The following SAMD5 variants were observed in gnomAD, a reference collection of about 807,000 sequenced individuals.
SAMD5 encodes sterile alpha motif domain containing 5, also known as sterile alpha motif domain-containing protein 5.
In SAMD5, 13 loss-of-function variants were observed where a neutral mutation model predicts 11.3. The ratio of observed to expected loss-of-function variants is 1.15; its 90% CI spans 0.75 to 1.83. The LOEUF is 1.83. Among genes scored for constraint, SAMD5 ranks in the 40% most tolerant of loss-of-function variants. The pLI is 0.00. For synonymous variants in SAMD5, 129 were observed against 111.3 expected (o/e 1.16, Z -1.00); for missense variants, 255 against 239.1 (o/e 1.07, Z -0.44).
At chr6:147,950,862 G>C in the SAMD5 span, among the ~76,000 whole-genome samples, 2 of 151,942 alleles carry the variant, frequency 1.3e-5, no homozygotes, top group African/African-American at 4.8e-5. Context: ...AAATAGAGAG[G>C]GGAGGTCAAG....
At chr6:147,611,289 G>A (rs1306616548) in intron 1 of SAMD5, among the ~76,000 whole-genome samples, 1 of 152,132 alleles carries the variant, frequency 6.6e-6, no homozygotes, top group African/African-American at 2.4e-5. Flanking sequence ...ATATGCAAGT[G>A]GAAGCTTGTT....
At chr6:147,640,702 C>T (rs1476251436) in intron 1 of SAMD5, among the ~76,000 whole-genome samples, 1 of 151,978 alleles carries the variant, frequency 6.6e-6, no homozygotes. Context: ...CAATGGGAAG[C>T]ATCATTATTA....
At chr6:147,552,715 C>T (rs112196303) in intron 1 of SAMD5, among the ~76,000 whole-genome samples, 9 of 152,158 alleles carry the variant, frequency 5.9e-5, no homozygotes, top group African/African-American at 2.2e-4. Context: ...ATACATATGC[C>T]TGTGTGGGGC....
At chr6:147,868,338 G>A in the SAMD5 span, among the ~76,000 whole-genome samples, 2 of 152,132 alleles carry the variant, frequency 1.3e-5, no homozygotes, top group Admixed American at 6.5e-5. Context: ...CTTTAATTAG[G>A]ACAGATGCAC....
At chr6:147,865,188 T>C in the SAMD5 span, among the ~76,000 whole-genome samples, 2 of 152,314 alleles carry the variant, frequency 1.3e-5, no homozygotes, top group African/African-American at 4.8e-5. Flanking sequence ...TCAAGACTTA[T>C]TCACACAGAG....
chr6:147,661,928 G>A (rs1583129201), intron 1 of SAMD5, among the ~76,000 whole-genome samples: 1 of 152,254 alleles, frequency 6.6e-6, no homozygotes, highest in East Asian at 1.9e-4. Context: ...CACGCCCGGC[G>A]CGACTAAAAC....
At position 147,509,309 on chromosome 6, in the gene SAMD5, A is replaced by G; in HGVS notation, c.381A>G (p.Lys127=). Residue 127 remains lysine (K), a synonymous_variant, in exon 1 of 2, where the codon AAA becomes AAG. Transcript: ENST00000367474. The part of the protein sequence containing the change: ...PRSRELVSYP[K]LKLKIMIRDK... Reference sequence around the variant, plus strand: ...GCAGGGAGCTGGTGAGCTACCCCAAACTGAAGCTGAAGATCATGATCAGGG... The same window carrying G: ...GCAGGGAGCTGGTGAGCTACCCCAAGCTGAAGCTGAAGATCATGATCAGGG... The G allele has an allele frequency of 1.3e-6, 2 of 1,579,580 alleles. No individual in the cohort carries two copies. Among genetic ancestry groups the G allele is most frequent in the Non-Finnish European group, 1.7e-6 (2 of 1,165,002 alleles).
rs111622425 is a variant in SAMD5 at position 147,637,080 on chromosome 6, C to A, written c.163-100237C>A. 6.8e-4 allele frequency among the ~76,000 whole-genome samples: 103 copies of A among 152,218 alleles called. 1 individual carries two copies. Among genetic ancestry groups the A allele is most frequent in the African/African-American group, 2.3e-3 (94 of 41,530 alleles). On this transcript the variant is annotated intron_variant, in intron 1 of 1. Coordinates refer to the SAMD5 transcript ENST00000566741. ...GGCTGAGGTCTGGGTGCTGGAAGCC[C>A]GTGGAGCTCACATGGGTTCACACGG...
intron 1 of SAMD5, among the ~76,000 whole-genome samples, chr6:147,549,547 G>A (rs1264962647): frequency 6.6e-6 from 1 of 152,120 alleles, no homozygotes; most frequent in East Asian, 1.9e-4. Context: ...TCCTGGAAAG[G>A]TTTTCCATAA....
chr6:147,800,791 T>G, the SAMD5 span, among the ~76,000 whole-genome samples: 4 of 152,210 alleles, frequency 2.6e-5, no homozygotes, highest in African/African-American at 7.2e-5. Flanking sequence ...AAATAATGTT[T>G]AGAACCTATT....
chr6:147,589,603 A>C (rs1302923346), intron 1 of SAMD5, among the ~76,000 whole-genome samples: 2 of 152,166 alleles, frequency 1.3e-5, no homozygotes, highest in African/African-American at 4.8e-5. Context: ...AGCACTTCTT[A>C]GAAAGGCAGT....
intron 1 of SAMD5, among the ~76,000 whole-genome samples, chr6:147,635,059 T>C (rs1477515156): frequency 6.6e-6 from 1 of 152,182 alleles, no homozygotes; most frequent in Admixed American, 6.5e-5. Context: ...AGAGTACCCA[T>C]CACAGATCAC....
At chr6:147,634,913 A>C (rs1330814495) in intron 1 of SAMD5, among the ~76,000 whole-genome samples, 1 of 133,842 alleles carries the variant, frequency 7.5e-6, no homozygotes, top group Non-Finnish European at 1.7e-5. Flanking sequence ...GGAAAGATAA[A>C]GAAGAGACAT....
the SAMD5 span, among the ~76,000 whole-genome samples, chr6:147,893,615 C>T: frequency 2.0e-5 from 3 of 152,064 alleles, no homozygotes; most frequent in African/African-American, 4.8e-5. Context: ...TAGCTTCCAC[C>T]AGGTTAGTTC....
At chr6:147,647,746 T>C (rs1790426632) in intron 1 of SAMD5, among the ~76,000 whole-genome samples, 1 of 152,184 alleles carries the variant, frequency 6.6e-6, no homozygotes. Context: ...TCTGAACAGA[T>C]AGAATATCAG....
At chr6:147,801,202 A>G in the SAMD5 span, among the ~76,000 whole-genome samples, 15 of 152,208 alleles carry the variant, frequency 9.9e-5, no homozygotes, top group African/African-American at 3.4e-4. Context: ...GAAAAACCAG[A>G]CATTCCAGGT....
intron 1 of SAMD5, among the ~76,000 whole-genome samples, chr6:147,638,947 G>T (rs1161855363): frequency 1.3e-5 from 2 of 152,090 alleles, no homozygotes; most frequent in African/African-American, 2.4e-5. Context: ...GTTTGTATCA[G>T]ATCAAATACT....
chr6:147,929,065 T>C, the SAMD5 span, among the ~76,000 whole-genome samples: 5 of 152,122 alleles, frequency 3.3e-5, no homozygotes, highest in Admixed American at 6.6e-5. Flanking sequence ...CTGAGGATTG[T>C]TTTTCATGGT....
intron 1 of SAMD5, among the ~76,000 whole-genome samples, chr6:147,704,417 A>G (rs1440324614): frequency 6.6e-6 from 1 of 152,210 alleles, no homozygotes; most frequent in Non-Finnish European, 1.5e-5. Context: ...CTCTCTAATG[A>G]AAAAATTACA....
Sources: gnomAD v4.1 joint callset for allele counts (sites outside exome capture counted in the v4.1 genomes callset) on GRCh38, gnomAD v4.1.1 for gene constraint, MANE v1.5 for transcripts, NCBI Gene and HGNC (gene_info 2026-07-23, HGNC 2026-07-21) for gene names.